Variants in ASIC2 observed in about 807,000 individuals in gnomAD.
The protein encoded by ASIC2 is acid-sensing ion channel 2.
In ASIC2, 25 loss-of-function variants were observed where a neutral mutation model predicts 57.3. That is an observed-to-expected ratio of 0.44 (90% CI 0.32 to 0.61). The LOEUF is 0.61. ASIC2 is among the 20% of genes least tolerant of loss of function. The pLI is 0.06. For synonymous variants in ASIC2, 319 were observed against 307.5 expected (o/e 1.04, Z -0.39); for missense variants, 641 against 738.1 (o/e 0.87, Z 1.52).
chr17:33,795,194 G>A (rs1911881501), intron 1 of ASIC2, among the ~76,000 whole-genome samples: 1 of 152,196 alleles, frequency 6.6e-6, no homozygotes, highest in South Asian at 2.1e-4. Context: ...TGTTCCTTTA[G>A]GTCTGAGGCA....
intron 1 of ASIC2, chr17:34,003,426 A>C (rs1597969504): frequency 6.6e-6 from 1 of 152,022 alleles, no homozygotes; most frequent in African/African-American, 2.4e-5. Context: ...TCCCCAACCC[A>C]TCTGTTGCTT....
intron 1 of ASIC2, among the ~76,000 whole-genome samples, chr17:33,344,552 T>C (rs1023795772): frequency 1.4e-4 from 22 of 152,196 alleles, no homozygotes; most frequent in African/African-American, 5.1e-4. Context: ...GCCAAGGATT[T>C]ACTCTCCCTG....
chr17:33,926,727 G>A (rs777458822), intron 1 of ASIC2, among the ~76,000 whole-genome samples: 6 of 152,258 alleles, frequency 3.9e-5, no homozygotes, highest in South Asian at 2.1e-4. Context: ...TCATGTATTC[G>A]GGGTAACCGA....
chr17:33,386,383 A>T, intron 1 of ASIC2, among the ~76,000 whole-genome samples: 1 of 152,152 alleles, frequency 6.6e-6, no homozygotes, highest in Non-Finnish European at 1.5e-5. Flanking sequence ...CCACCCCTGA[A>T]GCTTTCCAAG....
intron 1 of ASIC2, among the ~76,000 whole-genome samples, chr17:33,722,213 AG>A (rs1909409647): frequency 6.6e-6 from 1 of 152,152 alleles, no homozygotes. Context: ...GCTTTTAAAA[AG>A]GGGAGTTCCT....
chr17:33,989,068 A>T (rs1905919337), intron 1 of ASIC2, among the ~76,000 whole-genome samples: 1 of 152,126 alleles, frequency 6.6e-6, no homozygotes, highest in Non-Finnish European at 1.5e-5. Context: ...CACTATTCAG[A>T]AACTGACTCT....
At chr17:33,374,627 G>C (rs1306960137) in intron 1 of ASIC2, among the ~76,000 whole-genome samples, 1 of 152,170 alleles carries the variant, frequency 6.6e-6, no homozygotes. Flanking sequence ...AATTGATTTT[G>C]TCTGTGCAGT....
intron 1 of ASIC2, among the ~76,000 whole-genome samples, chr17:33,959,944 C>G (rs938988905): frequency 1.3e-5 from 2 of 152,256 alleles, no homozygotes; most frequent in Non-Finnish European, 2.9e-5. Flanking sequence ...AGCCCAATGT[C>G]TCCTTTTTGT....
rs555231528 is a variant in ASIC2, at chr17:33,291,856, G to A, written c.260C>T (p.Ala87Val). 29 of 1,601,360 alleles carry A rather than the reference G, an allele frequency of 1.8e-5. 1 individual carries two copies. The highest frequency in any genetic ancestry group is 4.0e-5 in the African/African-American group (3 of 74,892). Residue 87 changes from alanine to valine, a missense_variant, in exon 1 of 10, where the codon GCG (alanine) becomes GTG (valine). Physicochemically the swap from Ala to Val is moderately conservative, Grantham distance 64. This residue lies in a region of ASIC2 where 382 missense variants were observed against 398.0 expected (regional missense o/e 0.96). Coordinates refer to ENST00000225823, the MANE Select transcript of ASIC2 (RefSeq NM_183377.2). The part of the protein sequence containing the change: ...TAAGGSFQRR[A>V]LWVLAFCTSF... ...TGTACAGAAGGCCAGCACCCACAGC[G>A]CCCGCCGCTGGAAGGAGCCCCCAGC...
At chr17:33,661,717 C>A (rs187506223) in intron 1 of ASIC2, among the ~76,000 whole-genome samples, 1 of 152,174 alleles carries the variant, frequency 6.6e-6, no homozygotes, top group African/African-American at 2.4e-5. Context: ...TGTTTGCAAC[C>A]TAGTCATGCT....
rs1264445022 is a variant in ASIC2, at chr17:33,292,613, C to T, written c.-498G>A. The T allele has an allele frequency of 1.0e-6, 1 of 985,482 alleles. No homozygotes were observed. The highest frequency in any genetic ancestry group is 1.2e-6 in the Non-Finnish European group (1 of 830,076). 61.0% of individuals were successfully genotyped at this position (985,482 alleles called of 1,614,324 possible). A position where few individuals can be genotyped will look rare whatever the true frequency, so the allele number is the denominator to read the frequency against. On this transcript the variant is annotated 5_prime_UTR_variant, in exon 1 of 10. The change creates a new upstream start codon in the 5' untranslated region. Coordinates refer to ENST00000225823, the MANE Select transcript of ASIC2 (RefSeq NM_183377.2). ...GATCTGGACATCCCCAGGGACCCCA[C>T]CAGCCCGGCCCGTAGCCCAGCGGTG...
intron 1 of ASIC2, among the ~76,000 whole-genome samples, chr17:34,115,071 T>G (rs569124262): frequency 6.6e-6 from 1 of 152,330 alleles, no homozygotes; most frequent in African/African-American, 2.4e-5. Context: ...CAACACATTC[T>G]TTAGAGCCAA....
intron 1 of ASIC2, among the ~76,000 whole-genome samples, chr17:33,682,194 G>A (rs893381266): frequency 1.3e-5 from 2 of 151,478 alleles, no homozygotes; most frequent in Admixed American, 6.6e-5. Flanking sequence ...TGAATAGCTG[G>A]GACTACAGGT....
chr17:34,126,100 T>A (rs1419247026), intron 1 of ASIC2, among the ~76,000 whole-genome samples: 1 of 152,102 alleles, frequency 6.6e-6, no homozygotes, highest in African/African-American at 2.4e-5. Flanking sequence ...CCTCCCCTCA[T>A]CTCATGGCAA....
intron 1 of ASIC2, among the ~76,000 whole-genome samples, chr17:33,305,022 A>T (rs1906111943): frequency 1.3e-5 from 2 of 152,098 alleles, no homozygotes; most frequent in African/African-American, 4.8e-5. Flanking sequence ...GTATAAGGAG[A>T]TAAGAAAAAT....
chr17:33,726,502 C>T (rs541286561), intron 1 of ASIC2, among the ~76,000 whole-genome samples: 12 of 152,316 alleles, frequency 7.9e-5, no homozygotes. Flanking sequence ...CCCATTTTTA[C>T]AGCACCACAA....
chr17:33,210,916 T>C (rs942578116), intron 1 of ASIC2, among the ~76,000 whole-genome samples: 3 of 152,200 alleles, frequency 2.0e-5, no homozygotes, highest in Non-Finnish European at 2.9e-5. Flanking sequence ...GCTAGACTCT[T>C]CCCAGAGCCA....
intron 1 of ASIC2, among the ~76,000 whole-genome samples, chr17:34,086,556 C>T (rs555476441): frequency 3.4e-4 from 51 of 151,992 alleles, no homozygotes; most frequent in South Asian, 8.3e-4. Flanking sequence ...CTATTAGGTC[C>T]GCTTGGTGCA....
intron 3 of ASIC2, among the ~76,000 whole-genome samples, chr17:33,059,254 A>C (rs914743755): frequency 6.6e-6 from 1 of 152,108 alleles, no homozygotes; most frequent in Non-Finnish European, 1.5e-5. Context: ...GGTGTGCTGC[A>C]CCCATTAACT....
Sources: allele counts gnomAD v4.1 joint callset (sites outside exome capture counted in the v4.1 genomes callset), GRCh38; gene constraint gnomAD v4.1.1; regional missense constraint gnomAD v4.1.1; transcripts MANE v1.5; gene names NCBI Gene and HGNC (gene_info 2026-07-23, HGNC 2026-07-21).